EIF4E: variants seen among roughly 807,000 people sequenced by gnomAD.
EIF4E encodes the protein eIF-4F 25 kDa subunit.
For missense variants in EIF4E, 113 were observed against 265.6 expected, an observed-to-expected ratio of 0.43 and a Z score of 3.99; for synonymous variants, 71 against 88.5, an observed-to-expected ratio of 0.80 and a Z score of 1.11.
intron 5 of EIF4E, chr4:98,886,689 C>A (rs961688935): frequency 2.7e-5 from 9 of 339,232 alleles, no homozygotes; most frequent in African/African-American, 1.9e-4. Flanking sequence ...GCACTCCAGC[C>A]TGGGCAACAG....
At chr4:98,918,298 G>A (rs936020546) in intron 1 of EIF4E, among the ~76,000 whole-genome samples, 2 of 151,100 alleles carry the variant, frequency 1.3e-5, no homozygotes, top group Non-Finnish European at 2.9e-5. Context: ...AAGAGGCGGA[G>A]GTTGCAGTGA....
rs1295410630 is a variant in EIF4E, at chr4:98,887,971, CAATT to C, written c.222-23_222-20del. 6.3e-7 allele frequency: 1 copy of C among 1,591,144 alleles called. No individual in the cohort carries two copies. The highest frequency in any genetic ancestry group is 8.6e-7 in the Non-Finnish European group (1 of 1,162,042). On this transcript the variant is annotated intron_variant, in intron 3 of 6. Coordinates refer to ENST00000450253, the MANE Select transcript of EIF4E (RefSeq NM_001968.5). This position sits in a 1 kb window ranked among gnomAD's most constrained non-coding sequence, Gnocchi z 4.0. ...GTACAGACTAGGTAAAAGAAAATAA[CAATT>C]AAAAACACAGAATATGTAATATAGA...
At chr4:98,921,622 G>A (rs1725648158) in intron 1 of EIF4E, among the ~76,000 whole-genome samples, 1 of 152,134 alleles carries the variant, frequency 6.6e-6, no homozygotes, top group African/African-American at 2.4e-5. Flanking sequence ...ATAGCATTTT[G>A]TAGTAACAAG....
At chr4:98,929,020 C>T (rs1187917388) in intron 1 of EIF4E, 75 bp downstream of exon 1, 6 of 1,565,264 alleles carry the variant, frequency 3.8e-6, no homozygotes, top group Admixed American at 1.9e-5. Flanking sequence ...GGAACGCCGT[C>T]CCGCGGAGTC....
chr4:98,919,332 CAA>C (rs376097110), intron 1 of EIF4E, among the ~76,000 whole-genome samples: 9,378 of 106,834 alleles, frequency 0.088, 982 homozygotes, highest in African/African-American at 0.27. Context: ...AAAAGACTAG[CAA>C]AAAAAAAAAA....
intron 1 of EIF4E, among the ~76,000 whole-genome samples, chr4:98,905,240 A>AGG: frequency 6.6e-6 from 1 of 152,102 alleles, no homozygotes; most frequent in African/African-American, 2.4e-5. Flanking sequence ...TTAAAAAAAA[A>AGG]AAAAAGGAAA....
rs1470033261 is a variant in EIF4E, at chr4:98,887,215, T to G, written c.286-23A>C. On this transcript the variant is annotated intron_variant, in intron 4 of 6. Transcript: ENST00000450253. The surrounding 1 kb of genome is among the most constrained non-coding windows in gnomAD (Gnocchi z 4.0). ...ATCCTACAGGGTTAGAAGACAACAGTATTACACAACATTGTTACCTTGACT... is the reference window on the plus strand; with the variant it reads ...ATCCTACAGGGTTAGAAGACAACAGGATTACACAACATTGTTACCTTGACT... 2.5e-6 allele frequency: 4 copies of G among 1,605,422 alleles called. No homozygotes were observed. Among genetic ancestry groups the G allele is most frequent in the African/African-American group, 1.3e-5 (1 of 74,764 alleles).
chr4:98,888,098 T>G, intron 3 of EIF4E, 146 bp from the exon 4 acceptor site: 3 of 714,276 alleles, frequency 4.2e-6, no homozygotes, highest in South Asian at 2.0e-5. Context: ...ATTTCTAAAA[T>G]GGACAAAACA....
intron 1 of EIF4E, among the ~76,000 whole-genome samples, chr4:98,919,558 C>CTTTT (rs532537834): frequency 2.3e-5 from 3 of 131,890 alleles, no homozygotes; most frequent in East Asian, 2.1e-4. Context: ...GATTCTTTTT[C>CTTTT]TTTTTTTTTT....
intron 1 of EIF4E, among the ~76,000 whole-genome samples, chr4:98,902,392 A>T (rs1412843471): frequency 6.6e-6 from 1 of 152,160 alleles, no homozygotes; most frequent in African/African-American, 2.4e-5. Flanking sequence ...TTTAAGAAGA[A>T]GGAATTAAAG....
At chr4:98,909,967 A>G in intron 1 of EIF4E, 1 of 495,578 alleles carries the variant, frequency 2.0e-6, no homozygotes, top group Non-Finnish European at 3.5e-6. Flanking sequence ...ACCCTCAAAT[A>G]TGTAAATTAG....
At chr4:98,894,003 T>A (rs1426656524) in intron 2 of EIF4E, among the ~76,000 whole-genome samples, 6 of 152,214 alleles carry the variant, frequency 3.9e-5, no homozygotes, top group Admixed American at 3.9e-4. Context: ...TGAAAACAAT[T>A]CATCTCTGTC....
chr4:98,894,972 T>A (rs1392785507), intron 2 of EIF4E: 1 of 152,252 alleles, frequency 6.6e-6, no homozygotes, highest in African/African-American at 2.4e-5. Context: ...CATTGTTGTG[T>A]CTCAGGGAAT....
Position 98,917,185 on chromosome 4 carries a change from A to C in EIF4E, c.18+11910T>G, listed in dbSNP as rs1725427724. 2.0e-5 allele frequency among the ~76,000 whole-genome samples: 3 copies of C among 150,220 alleles called. No individual in the cohort carries two copies. In the South Asian group the frequency reaches 6.3e-4, roughly 31 times the overall value. On this transcript the variant is annotated intron_variant, in intron 1 of 6. Transcript: ENST00000450253. The stretch of plus-strand genomic sequence containing the variant: ...CAGCCCAGACTTTTATCTCTACTTA[A>C]TTCTGCTTGACCATGTGTTCATGAA...
At chr4:98,911,900 T>C (rs960422356) in intron 1 of EIF4E, among the ~76,000 whole-genome samples, 2 of 150,904 alleles carry the variant, frequency 1.3e-5, no homozygotes, top group African/African-American at 4.9e-5. Context: ...AATGATAAAA[T>C]TTAAATGTCA....
intron 2 of EIF4E, among the ~76,000 whole-genome samples, chr4:98,900,195 A>G (rs1724587986): frequency 1.3e-5 from 2 of 152,110 alleles, no homozygotes; most frequent in Non-Finnish European, 2.9e-5. Context: ...TGGTGCTACT[A>G]TTAGGTTAAA....
intron 2 of EIF4E, among the ~76,000 whole-genome samples, chr4:98,896,620 T>A (rs756867288): frequency 2.1e-4 from 29 of 135,758 alleles, no homozygotes; most frequent in African/African-American, 7.8e-4. Context: ...GCTATTATCA[T>A]GCCACTGCTC....
chr4:98,887,096 G>A lies in EIF4E; in HGVS notation c.382C>T (p.Arg128Cys). Residue 128 changes from arginine (R) to cysteine (C), a missense_variant, in exon 5 of 7, where the codon CGC becomes TGC. By Grantham distance (180) the Arg-to-Cys change is radical. Transcript: ENST00000450253. This position sits in a 1 kb window ranked among gnomAD's most constrained non-coding sequence, Gnocchi z 4.0. ...AACCTTACTGTCTCTAGCCAAAAGC[G>A]ATCGAGGTCACTTCGTCTCTGCTGT... Reference protein sequence around the residue: ...NKQQRRSDLDRFWLETLLCLI... With the variant: ...NKQQRRSDLDCFWLETLLCLI... The A allele has an allele frequency of 1.2e-6, 2 of 1,613,342 alleles. No homozygotes were observed. The highest frequency in any genetic ancestry group is 1.7e-6 in the Non-Finnish European group (2 of 1,179,796).
chr4:98,887,344 C>T lies in EIF4E; in HGVS notation c.286-152G>A. 1.3e-6 allele frequency: 1 copy of T among 795,764 alleles called. No homozygotes were observed. Among genetic ancestry groups the T allele is most frequent in the Non-Finnish European group, 2.2e-6 (1 of 463,146 alleles). 49.3% of individuals were successfully genotyped at this position (795,764 alleles called of 1,614,324 possible). A position where few individuals can be genotyped will look rare whatever the true frequency, so the allele number is the denominator to read the frequency against. ...TGTAGTTTTTAAACAGCACATAAGA[C>T]TTAAAGCCAGAGGCATGACATTGCA... On this transcript the variant is annotated intron_variant, in intron 4 of 6. Coordinates refer to ENST00000450253, the MANE Select transcript of EIF4E (RefSeq NM_001968.5). The surrounding 1 kb of genome is among the most constrained non-coding windows in gnomAD (Gnocchi z 4.0).
Sources: allele counts gnomAD v4.1 joint callset (sites outside exome capture counted in the v4.1 genomes callset), GRCh38; gene constraint gnomAD v4.1.1; non-coding constraint Gnocchi (gnomAD v3.1); transcripts MANE v1.5; gene names NCBI Gene and HGNC (gene_info 2026-07-23, HGNC 2026-07-21).